The following PLA2G4A variants were observed in gnomAD, a reference collection of about 807,000 sequenced individuals.
The protein encoded by PLA2G4A is phospholipase A2 group IVA.
PLA2G4A carries 40 observed loss-of-function variants against 81.9 expected under a neutral mutation model. The observed-to-expected ratio is 0.49, with a 90% CI of 0.38 to 0.64. The LOEUF (loss-of-function observed/expected upper bound fraction) is 0.64. Ranked by LOEUF, PLA2G4A falls within the 30% of genes least tolerant of loss-of-function variation. The probability of loss-of-function intolerance (pLI) is 0.00; values close to 1 mark genes in which losing one functional copy is unlikely to be tolerated. For synonymous variants in PLA2G4A, 302 were observed against 296.9 expected (o/e 1.02, Z -0.18); for missense variants, 715 against 905.1 (o/e 0.79, Z 2.69).
At chr1:186,832,881 A>G (rs1182140833) in intron 1 of PLA2G4A, among the ~76,000 whole-genome samples, 1 of 152,162 alleles carries the variant, frequency 6.6e-6, no homozygotes, top group African/African-American at 2.4e-5. Context: ...TGTTTTTCTC[A>G]TTTTTGGAGG....
At chr1:186,918,069 T>C (rs566970677) in intron 7 of PLA2G4A, among the ~76,000 whole-genome samples, 4 of 152,176 alleles carry the variant, frequency 2.6e-5, no homozygotes, top group Non-Finnish European at 5.9e-5. Flanking sequence ...TTCATCCTCC[T>C]TTTATTACTT....
chr1:186,855,049 T>A (rs564999997), intron 2 of PLA2G4A, among the ~76,000 whole-genome samples: 3 of 152,058 alleles, frequency 2.0e-5, no homozygotes, highest in Non-Finnish European at 2.9e-5. Context: ...TGAAATAAAA[T>A]GCTGTTTTCT....
chr1:186,891,666 T>C (rs1654148980), intron 3 of PLA2G4A, among the ~76,000 whole-genome samples: 1 of 152,236 alleles, frequency 6.6e-6, no homozygotes, highest in Non-Finnish European at 1.5e-5. Context: ...CTCCATTGTG[T>C]ATATGTAACA....
intron 7 of PLA2G4A, 93 bp downstream of exon 7, chr1:186,911,482 G>T: frequency 1.1e-6 from 1 of 918,222 alleles, no homozygotes; most frequent in Non-Finnish European, 1.8e-6. Context: ...TGGCAATATT[G>T]AGATTGAGCA....
intron 2 of PLA2G4A, among the ~76,000 whole-genome samples, chr1:186,865,408 C>G (rs941408398): frequency 6.6e-6 from 1 of 152,020 alleles, no homozygotes; most frequent in African/African-American, 2.4e-5. Flanking sequence ...CTGTGCTTCA[C>G]AGTTATATTA....
At chr1:186,964,864 C>T (rs1470158232) in intron 14 of PLA2G4A, among the ~76,000 whole-genome samples, 1 of 152,094 alleles carries the variant, frequency 6.6e-6, no homozygotes, top group Non-Finnish European at 1.5e-5. Flanking sequence ...GGATGATTTC[C>T]TTGAACTCCC....
At chr1:186,985,409 T>C (rs1311612690) in intron 17 of PLA2G4A, among the ~76,000 whole-genome samples, 1 of 152,214 alleles carries the variant, frequency 6.6e-6, no homozygotes, top group Non-Finnish European at 1.5e-5. Flanking sequence ...CATTTCAGTT[T>C]TTATTGAAAA....
intron 3 of PLA2G4A, among the ~76,000 whole-genome samples, chr1:186,886,834 T>C (rs1653953160): frequency 1.3e-5 from 2 of 152,190 alleles, no homozygotes; most frequent in Admixed American, 1.3e-4. Context: ...AGTAACTTTG[T>C]TGCCTTCTCA....
In PLA2G4A at chr1:186,927,331, A is replaced by T. The variant is rs530681721; in HGVS notation, c.559-5432A>T. 5.3e-5 allele frequency among the ~76,000 whole-genome samples: 8 copies of T among 152,280 alleles called. No homozygotes were observed. The South Asian group carries it at 1.7e-3, about 32-fold the overall frequency. On this transcript the variant is annotated intron_variant, in intron 7 of 17. Coordinates refer to ENST00000367466, the MANE Select transcript of PLA2G4A (RefSeq NM_024420.3). ...GGCTGAGATCTTTTCTTTGAGCAAG[A>T]TATATGACTTTGTGTATGGGGATTT...
chr1:186,839,689 C>A (rs145001369), intron 1 of PLA2G4A, among the ~76,000 whole-genome samples: 6 of 152,156 alleles, frequency 3.9e-5, no homozygotes, highest in African/African-American at 1.4e-4. Flanking sequence ...TTGTATGTAA[C>A]CCCTAAATTT....
chr1:186,970,498 G>T (rs1035997896), intron 15 of PLA2G4A, among the ~76,000 whole-genome samples: 4 of 152,018 alleles, frequency 2.6e-5, no homozygotes, highest in Admixed American at 6.6e-5. Context: ...GTGTCCTGGA[G>T]TGTTTTCCCA....
intron 2 of PLA2G4A, among the ~76,000 whole-genome samples, chr1:186,857,280 CTTATA>C (rs1246120577): frequency 4.4e-5 from 4 of 91,096 alleles, no homozygotes; most frequent in African/African-American, 1.6e-4. Context: ...GGCTGACTGC[CTTATA>C]TTATATGTAT....
At chr1:186,977,956 T>C (rs2102296238) in intron 16 of PLA2G4A, among the ~76,000 whole-genome samples, 168 bp downstream of exon 16, 1 of 152,310 alleles carries the variant, frequency 6.6e-6, no homozygotes, top group Middle Eastern at 3.4e-3. Flanking sequence ...TTCTCCTCTT[T>C]CTTACCCCAA....
chr1:186,973,508 T>C (rs936103678), intron 15 of PLA2G4A, among the ~76,000 whole-genome samples: 3 of 152,168 alleles, frequency 2.0e-5, no homozygotes, highest in Non-Finnish European at 2.9e-5. Context: ...GATTAGGAAA[T>C]GGTATTTTAT....
At chr1:186,925,544 G>A (rs1399558321) in intron 7 of PLA2G4A, among the ~76,000 whole-genome samples, 1 of 152,038 alleles carries the variant, frequency 6.6e-6, no homozygotes, top group Non-Finnish European at 1.5e-5. Flanking sequence ...CCGGTTGGAG[G>A]TCTCCTGTAC....
intron 1 of PLA2G4A, among the ~76,000 whole-genome samples, chr1:186,852,104 A>C (rs1334235922): frequency 6.6e-6 from 1 of 151,978 alleles, no homozygotes; most frequent in Non-Finnish European, 1.5e-5. Context: ...ATTATTTAAC[A>C]AATATGTATT....
chr1:186,987,550 A>G (rs1455035995), intron 17 of PLA2G4A, among the ~76,000 whole-genome samples: 1 of 152,210 alleles, frequency 6.6e-6, no homozygotes, highest in Non-Finnish European at 1.5e-5. Context: ...CCTGATTTTA[A>G]CAAGGTTCTG....
intron 15 of PLA2G4A, among the ~76,000 whole-genome samples, chr1:186,974,074 TAATA>T (rs1465270373): frequency 6.6e-6 from 1 of 151,810 alleles, no homozygotes; most frequent in South Asian, 2.1e-4. Flanking sequence ...GTTCGTATTT[TAATA>T]AATAAATGTG....
intron 3 of PLA2G4A, among the ~76,000 whole-genome samples, chr1:186,882,731 A>G (rs1247180072): frequency 2.0e-5 from 3 of 152,148 alleles, no homozygotes; most frequent in African/African-American, 4.8e-5. Context: ...AGGTGCCTTG[A>G]GAATAAGCAA....
Sources: allele counts gnomAD v4.1 joint callset (sites outside exome capture counted in the v4.1 genomes callset), GRCh38; gene constraint gnomAD v4.1.1; transcripts MANE v1.5; gene names NCBI Gene and HGNC (gene_info 2026-07-23, HGNC 2026-07-21).